CANX: variants seen among roughly 807,000 people sequenced by gnomAD.
CANX encodes epididymis secretory sperm binding protein.
Under a neutral mutation model 75.7 loss-of-function variants are expected in CANX, and 14 were observed. The observed-to-expected ratio is 0.19, with a 90% CI of 0.12 to 0.29. CANX has a LOEUF of 0.29. CANX is among the 10% of genes least tolerant of loss of function. The pLI, the probability that CANX is intolerant of heterozygous loss-of-function variation, is 1.00. For missense variants in CANX, 567 were observed against 713.2 expected (o/e 0.79, Z 2.34); for synonymous variants, 227 against 236.9 (o/e 0.96, Z 0.38).
chr5:179,698,373 A>C, upstream of CANX: 2 of 1,201,700 alleles, frequency 1.7e-6, no homozygotes, highest in Non-Finnish European at 2.1e-6. Flanking sequence ...GGGCCGAGCC[A>C]TGACTCTGCA....
intron 1 of CANX, among the ~76,000 whole-genome samples, chr5:179,688,361 ATT>A (rs35948508): frequency 6.3e-5 from 6 of 95,642 alleles, no homozygotes; most frequent in Non-Finnish European, 9.8e-5. Context: ...CCTAAGGTCA[ATT>A]TTTTTTTTTT....
chr5:179,728,739 A>G lies in CANX; in HGVS notation c.*95A>G. ...CCTGGCACACCTTAGGTTGACATTC[A>G]GAAAACTTCAAGACATCACCATCAG... is the stretch of plus-strand genomic sequence containing the variant. On this transcript the variant is annotated 3_prime_UTR_variant, in exon 15 of 15. Coordinates refer to ENST00000247461, the MANE Select transcript of CANX (RefSeq NM_001746.4). 1.2e-6 allele frequency: 1 copy of G among 835,652 alleles called. No individual in the cohort carries two copies. Among genetic ancestry groups the G allele is most frequent in the Admixed American group, 1.9e-5 (1 of 53,550 alleles). The allele number at this position is 835,652 out of a possible 1,614,324, so 51.8% of individuals were successfully genotyped here. A position where few individuals can be genotyped will look rare whatever the true frequency, so the allele number is the denominator to read the frequency against.
rs1188578368 is a variant in CANX, at chr5:179,724,717, G to A, written c.1579G>A (p.Glu527Lys). ...TGCACCTCAACCGGATGTGAAGGAA[G>A]AGGAAGAAGAGAAGGAAGAGGAAAA... is the stretch of plus-strand genomic sequence containing the variant. Reference protein sequence around the residue: ...TDAPQPDVKEEEEEKEEEKDK... With the variant: ...TDAPQPDVKEKEEEKEEEKDK... Residue 527 changes from glutamate to lysine, a missense_variant, in exon 13 of 15, where the codon GAG becomes AAG. Physicochemically the swap from Glu to Lys is moderately conservative, Grantham distance 56. Around this residue, in one of 3 missense-constraint regions of CANX, gnomAD observed 167 missense variants for 179.3 expected, o/e 0.93. Transcript: ENST00000247461. 3 of 1,612,576 alleles carry A rather than the reference G, an allele frequency of 1.9e-6. No individual in the cohort carries two copies. In the African/African-American group the frequency reaches 4.0e-5, roughly 22 times the overall value.
Position 179,724,670 on chromosome 5 carries a change from G to A in CANX, c.1532G>A (p.Gly511Asp), listed in dbSNP as rs1286008358. Residue 511 changes from glycine to aspartate, a missense_variant, in exon 13 of 15, where the codon GGT (glycine) becomes GAT (aspartate). Gly to Asp is a moderately conservative substitution (Grantham distance 94). Transcript: ENST00000247461. ...FCCSGKKQTSGMEYKKTDAPQ... is the reference protein window; with the variant it reads ...FCCSGKKQTSDMEYKKTDAPQ... Reference sequence around the variant, plus strand: ...GGAACATTTCAGAAACAGACCAGTGGTATGGAGTATAAGAAAACTGATGCA... The same window carrying A: ...GGAACATTTCAGAAACAGACCAGTGATATGGAGTATAAGAAAACTGATGCA... 3.1e-6 allele frequency: 5 copies of A among 1,613,514 alleles called. No individual in the cohort carries two copies. The highest frequency in any genetic ancestry group is 4.2e-6 in the Non-Finnish European group (5 of 1,179,604).
upstream of CANX, among the ~76,000 whole-genome samples, chr5:179,693,871 A>G (rs1165978238): frequency 2.0e-5 from 3 of 152,172 alleles, no homozygotes; most frequent in African/African-American, 4.8e-5. Context: ...GTAATAAAAT[A>G]AACTTCAATT....
Position 179,728,728 on chromosome 5 carries a change from G to A in CANX, c.*84G>A, listed in dbSNP as rs1370093725. On this transcript the variant is annotated 3_prime_UTR_variant, in exon 15 of 15. Coordinates refer to ENST00000247461, the MANE Select transcript of CANX (RefSeq NM_001746.4). The stretch of plus-strand genomic sequence containing the variant: ...CTAGGAGAGGACCTGGCACACCTTA[G>A]GTTGACATTCAGAAAACTTCAAGAC... The A allele has an allele frequency of 2.2e-6, 2 of 925,998 alleles. No individual in the cohort carries two copies. The highest frequency in any genetic ancestry group is 3.6e-6 in the Non-Finnish European group (2 of 562,546). The allele number at this position is 925,998 out of a possible 1,614,324, so 57.4% of individuals were successfully genotyped here. A position where few individuals can be genotyped will look rare whatever the true frequency, so the allele number is the denominator to read the frequency against.
Position 179,724,743 on chromosome 5 carries a change from G to A in CANX, c.1605G>A (p.Lys535=). The change falls in exon 13 of 15, where the codon AAG becomes AAA. Residue 535 remains lysine, a synonymous_variant. Coordinates refer to ENST00000247461, the MANE Select transcript of CANX (RefSeq NM_001746.4). ...AGGAAGAAGAGAAGGAAGAGGAAAA[G>A]GACAAGGGAGATGAGGAGGAGGAAG... ...KEEEEEKEEE[K]DKGDEEEEGE... 6.2e-7 allele frequency: 1 copy of A among 1,612,132 alleles called. No individual in the cohort carries two copies. The highest frequency in any genetic ancestry group is 8.5e-7 in the Non-Finnish European group (1 of 1,178,230).
intron 7 of CANX, among the ~76,000 whole-genome samples, chr5:179,712,211 T>C (rs1394913720): frequency 6.6e-6 from 1 of 151,802 alleles, no homozygotes; most frequent in African/African-American, 2.4e-5. Flanking sequence ...ATAGAATAAG[T>C]TATATTTATA....
upstream of CANX, among the ~76,000 whole-genome samples, chr5:179,697,794 G>C (rs1186598040): frequency 6.6e-6 from 1 of 152,112 alleles, no homozygotes; most frequent in Non-Finnish European, 1.5e-5. Flanking sequence ...GGGAGGCTGA[G>C]GGAGAATCGC....
At chr5:179,689,590 G>A (rs964264554) in intron 1 of CANX, among the ~76,000 whole-genome samples, 5 of 151,860 alleles carry the variant, frequency 3.3e-5, no homozygotes, top group East Asian at 1.9e-4. Flanking sequence ...GGGTTTCACC[G>A]TGTTGGCCAG....
chr5:179,679,527 G>A, intron 1 of CANX, among the ~76,000 whole-genome samples: 1 of 152,190 alleles, frequency 6.6e-6, no homozygotes, highest in East Asian at 1.9e-4. Context: ...AGTTGCAGCT[G>A]GAAGGGTGAG....
At position 179,686,102 on chromosome 5, in the gene CANX, C is replaced by CTTTTTTTTTT. The variant is rs757104413; in HGVS notation, c.-4+7330_-4+7339dup. Among the ~76,000 whole-genome samples, 1,082 of 128,372 alleles carry CTTTTTTTTTT rather than the reference C, an allele frequency of 8.4e-3. 73 individuals carry two copies. The highest frequency in any genetic ancestry group is 0.027 in the African/African-American group (932 of 35,032). The allele number at this position is 128,372 out of a possible 152,430, so 84.2% of individuals were successfully genotyped here. A position where few individuals can be genotyped will look rare whatever the true frequency, so the allele number is the denominator to read the frequency against. ...ATTTTGATGAAGTGGTTGTTCAAGT[C>CTTTTTTTTTT]TTTTTTTTTTTTTTGAGACGGAGTC... On this transcript the variant is annotated intron_variant, in intron 1 of 14. Coordinates refer to the CANX transcript ENST00000681674.
At chr5:179,687,497 G>T (rs1430292823) in intron 1 of CANX, among the ~76,000 whole-genome samples, 5 of 152,168 alleles carry the variant, frequency 3.3e-5, no homozygotes, top group African/African-American at 4.8e-5. Context: ...CTTTAAGATT[G>T]CTTTGGCTTT....
intron 1 of CANX, among the ~76,000 whole-genome samples, chr5:179,685,084 AATCT>A (rs768102896): frequency 6.7e-6 from 1 of 148,306 alleles, no homozygotes; most frequent in African/African-American, 2.5e-5. Context: ...GGCCTTAATA[AATCT>A]ATCTATTTAT....
intron 8 of CANX, among the ~76,000 whole-genome samples, chr5:179,717,144 CT>C (rs1294876662): frequency 2.0e-5 from 3 of 152,116 alleles, no homozygotes; most frequent in African/African-American, 2.4e-5. Flanking sequence ...AATTCTTACC[CT>C]TTGTAAAATA....
chr5:179,690,101 A>T (rs1776273815), intron 1 of CANX, among the ~76,000 whole-genome samples: 1 of 152,154 alleles, frequency 6.6e-6, no homozygotes, highest in African/African-American at 2.4e-5. Context: ...CTGGCTGTGA[A>T]TCACACTGGG....
intron 1 of CANX, chr5:179,700,928 TCTCGG>T (rs1327453096): frequency 6.6e-6 from 1 of 151,314 alleles, no homozygotes; most frequent in Non-Finnish European, 1.5e-5. Context: ...AGTGGCGCGA[TCTCGG>T]CTCACTGCAA....
chr5:179,712,055 GC>G (rs971907601), intron 7 of CANX, among the ~76,000 whole-genome samples: 41 of 149,342 alleles, frequency 2.7e-4, no homozygotes, highest in Admixed American at 2.4e-3. Flanking sequence ...CCAAGGTCAT[GC>G]CATTGCACTC....
At chr5:179,726,634 A>G (rs1778693349) in intron 13 of CANX, 46 bp from the exon 14 acceptor site, 1 of 1,355,290 alleles carries the variant, frequency 7.4e-7, no homozygotes, top group South Asian at 1.2e-5. Flanking sequence ...ATATATAATC[A>G]CCAAAAATAA....
Sources: gnomAD v4.1 joint callset for allele counts (sites outside exome capture counted in the v4.1 genomes callset) on GRCh38, gnomAD v4.1.1 for gene constraint, gnomAD v4.1.1 regional missense constraint, MANE v1.5 for transcripts, NCBI Gene and HGNC (gene_info 2026-07-23, HGNC 2026-07-21) for gene names.